Variants in NUP155 observed in about 807,000 individuals in gnomAD.
The protein encoded by NUP155 is nucleoporin 155.
In NUP155, 71 loss-of-function variants were observed where a neutral mutation model predicts 180.4. The observed-to-expected ratio is 0.39, with a 90% CI of 0.33 to 0.48. The LOEUF (loss-of-function observed/expected upper bound fraction) is 0.48, where lower values mean the gene tolerates loss of function less well. NUP155 is among the 20% of genes least tolerant of loss of function. The pLI is 0.91. For synonymous variants in NUP155, 582 were observed against 559.5 expected, an observed-to-expected ratio of 1.04 and a Z score of -0.57; for missense variants, 1,553 against 1,648.9, an observed-to-expected ratio of 0.94 and a Z score of 1.01.
chr5:37,324,480 T>C (rs1744452204), intron 19 of NUP155, among the ~76,000 whole-genome samples: 2 of 152,204 alleles, frequency 1.3e-5, no homozygotes, highest in Admixed American at 1.3e-4. Flanking sequence ...AGATTAATTT[T>C]ACAAGTTTTT....
Position 37,310,833 on chromosome 5 carries a change from A to G in NUP155, c.2437-90T>C, listed in dbSNP as rs1024293394. ...ATTTTAATAAATTAAAATAACCTAA[A>G]TATTAATAGACTCTATAATTGAAAA... On this transcript the variant is annotated intron_variant, in intron 22 of 34. Transcript: ENST00000231498. The G allele has an allele frequency of 7.0e-5, 74 of 1,053,144 alleles. 1 individual carries two copies. The highest frequency in any genetic ancestry group is 9.9e-5 in the Non-Finnish European group (72 of 727,738). The allele number at this position is 1,053,144 out of a possible 1,614,324, so 65.2% of individuals were successfully genotyped here.
intron 14 of NUP155, among the ~76,000 whole-genome samples, chr5:37,330,639 A>T (rs538909568): frequency 1.2e-4 from 19 of 152,142 alleles, no homozygotes; most frequent in Admixed American, 4.6e-4. Flanking sequence ...AACTACTCCC[A>T]ATTTTAACCG....
At chr5:37,358,406 T>C (rs1746984914) in intron 3 of NUP155, among the ~76,000 whole-genome samples, 1 of 151,534 alleles carries the variant, frequency 6.6e-6, no homozygotes, top group African/African-American at 2.4e-5. Context: ...CTGCAGTGAG[T>C]AGTGATCATG....
Position 37,307,082 on chromosome 5 carries a change from C to T in NUP155, c.2903+215G>A, listed in dbSNP as rs217800. 0.029 allele frequency among the ~76,000 whole-genome samples: 4,331 copies of T among 151,286 alleles called. 220 individuals are homozygous for T. Among genetic ancestry groups the T allele is most frequent in the African/African-American group, 0.099 (4,080 of 41,158 alleles). On this transcript the variant is annotated intron_variant, in intron 25 of 34. Coordinates refer to ENST00000231498, the MANE Select transcript of NUP155 (RefSeq NM_153485.3). ...GCGTGGTGGTGTGCACCTGTAATCC[C>T]AGCTACATGGGAGGCTGAGGCACGA...
Position 37,371,053 on chromosome 5 carries a change from C to G in NUP155, c.-76G>C. 1 of 1,525,624 alleles carries G rather than the reference C, an allele frequency of 6.6e-7. No individual in the cohort carries two copies. Among genetic ancestry groups the G allele is most frequent in the Non-Finnish European group, 9.0e-7 (1 of 1,114,206 alleles). 94.5% of individuals were successfully genotyped at this position (1,525,624 alleles called of 1,614,324 possible). Reference sequence around the variant, plus strand: ...AACAAGAAAAGATCCAAGAAGTTAGCTTAGATCCGCCGCCTAGGGCGCGCG... The same window carrying G: ...AACAAGAAAAGATCCAAGAAGTTAGGTTAGATCCGCCGCCTAGGGCGCGCG... On this transcript the variant is annotated 5_prime_UTR_variant, in exon 1 of 35. Transcript: ENST00000231498.
At chr5:37,299,797 G>A (rs1322615259) in intron 30 of NUP155, among the ~76,000 whole-genome samples, 2 of 151,964 alleles carry the variant, frequency 1.3e-5, no homozygotes, top group Non-Finnish European at 2.9e-5. Context: ...CACTTTAAGA[G>A]GCCAAGGTGG....
intron 3 of NUP155, among the ~76,000 whole-genome samples, chr5:37,358,386 G>A (rs1746984294): frequency 6.6e-6 from 1 of 152,124 alleles, no homozygotes; most frequent in Non-Finnish European, 1.5e-5. Context: ...AAAGGCCTGG[G>A]AGGTTGAGGC....
intron 25 of NUP155, among the ~76,000 whole-genome samples, chr5:37,305,499 T>A (rs1455565804): frequency 6.6e-6 from 1 of 152,100 alleles, no homozygotes; most frequent in East Asian, 1.9e-4. Context: ...CTGGCCAACC[T>A]GGTGAAACCC....
chr5:37,344,772 C>T (rs1387582633), intron 9 of NUP155, among the ~76,000 whole-genome samples: 3 of 150,640 alleles, frequency 2.0e-5, no homozygotes, highest in Non-Finnish European at 2.9e-5. Context: ...CCCGGGAGGC[C>T]GAGGCAGGAG....
chr5:37,317,269 C>T (rs1743953254), intron 21 of NUP155, among the ~76,000 whole-genome samples: 1 of 152,028 alleles, frequency 6.6e-6, no homozygotes, highest in African/African-American at 2.4e-5. Flanking sequence ...CGGACGGGAT[C>T]ACCTGAGGTT....
intron 1 of NUP155, among the ~76,000 whole-genome samples, chr5:37,369,177 A>T (rs1747798848): frequency 6.6e-6 from 1 of 152,050 alleles, no homozygotes; most frequent in Non-Finnish European, 1.5e-5. Context: ...ACTTGAGCTC[A>T]TGAGTTAGAG....
intron 1 of NUP155, among the ~76,000 whole-genome samples, chr5:37,367,912 T>C (rs1747707237): frequency 6.6e-6 from 1 of 152,136 alleles, no homozygotes. Flanking sequence ...GCCTCCTGAA[T>C]AACTGGGATT....
At chr5:37,353,277 C>G (rs1442567841) in intron 4 of NUP155, among the ~76,000 whole-genome samples, 1 of 151,666 alleles carries the variant, frequency 6.6e-6, no homozygotes, top group African/African-American at 2.4e-5. Flanking sequence ...CACACACACA[C>G]AAAATGGAAT....
rs1174283937 is a variant in NUP155, at chr5:37,289,910, A to C, written c.*1990T>G. The C allele has an allele frequency of 3.3e-5, 5 of 152,200 alleles. No homozygotes were observed. The highest frequency in any genetic ancestry group is 7.3e-5 in the Non-Finnish European group (5 of 68,040). 9.4% of individuals were successfully genotyped at this position (152,200 alleles called of 1,614,324 possible). A position where few individuals can be genotyped will look rare whatever the true frequency, so the allele number is the denominator to read the frequency against. On this transcript the variant is annotated 3_prime_UTR_variant, in exon 35 of 35. Transcript: ENST00000231498. ...CGCATACATTCACTTTACATATTCA[A>C]AAAACGCTAAACTTAAGAAACTGAA...
Position 37,299,575 on chromosome 5 carries a change from G to C in NUP155, c.3562-7C>G. 1 of 1,613,846 alleles carries C rather than the reference G, an allele frequency of 6.2e-7. No homozygotes were observed. Among genetic ancestry groups the C allele is most frequent in the Non-Finnish European group, 8.5e-7 (1 of 1,179,864 alleles). On this transcript the variant is annotated splice_polypyrimidine_tract_variant and splice_region_variant and intron_variant, in intron 30 of 34. Coordinates refer to ENST00000231498, the MANE Select transcript of NUP155 (RefSeq NM_153485.3). ...CAGCAAATTCCCCATAAAGCTGTGA[G>C]AGAAAATCCCAAAATTAACATCCAA...
intron 1 of NUP155, 177 bp downstream of exon 1, chr5:37,370,644 G>C (rs1747899483): frequency 1.6e-5 from 25 of 1,557,860 alleles, no homozygotes; most frequent in South Asian, 2.4e-5. Context: ...CTACAATGAA[G>C]AAAGTGAGGA....
At position 37,349,255 on chromosome 5, in the gene NUP155, AG is replaced by A. The variant is rs1746307883; in HGVS notation, c.830-11del. 1.2e-6 allele frequency: 1 copy of A among 801,936 alleles called. No individual in the cohort carries two copies. Among genetic ancestry groups the A allele is most frequent in the Admixed American group, 3.0e-5 (1 of 32,828 alleles). The allele number at this position is 801,936 out of a possible 1,614,324, so 49.7% of individuals were successfully genotyped here. A position where few individuals can be genotyped will look rare whatever the true frequency, so the allele number is the denominator to read the frequency against. Reference sequence around the variant, plus strand: ...ATTTGAAGAATAGGATCTAAAAGTAAGACAAAAAAAAAAAAGAGAAAAAAGT... The same window carrying A: ...ATTTGAAGAATAGGATCTAAAAGTAAACAAAAAAAAAAAAGAGAAAAAAGT... On this transcript the variant is annotated splice_polypyrimidine_tract_variant and intron_variant, in intron 7 of 34. Coordinates refer to ENST00000231498, the MANE Select transcript of NUP155 (RefSeq NM_153485.3).
intron 12 of NUP155, 29 bp downstream of exon 12, chr5:37,337,789 G>C (rs1561795500): frequency 2.2e-6 from 3 of 1,359,012 alleles, no homozygotes; most frequent in Non-Finnish European, 3.2e-6. Context: ...TTATATAATA[G>C]TTTTTTCAGA....
At chr5:37,313,657 C>G (rs1373179636) in intron 22 of NUP155, among the ~76,000 whole-genome samples, 1 of 152,004 alleles carries the variant, frequency 6.6e-6, no homozygotes, top group East Asian at 1.9e-4. Flanking sequence ...TGTGCCACCA[C>G]ACTTGACTAA....
Sources: gnomAD v4.1 joint callset for allele counts (sites outside exome capture counted in the v4.1 genomes callset) on GRCh38, gnomAD v4.1.1 for gene constraint, MANE v1.5 for transcripts, NCBI Gene and HGNC (gene_info 2026-07-23, HGNC 2026-07-21) for gene names.